EHBP1: variants seen among roughly 807,000 people sequenced by gnomAD.
The protein encoded by EHBP1 is EH domain binding protein 1.
Under a neutral mutation model 144.0 loss-of-function variants are expected in EHBP1, and 55 were observed. The ratio of observed to expected loss-of-function variants is 0.38; its 90% CI spans 0.31 to 0.48. The LOEUF (loss-of-function observed/expected upper bound fraction) is 0.48. Ranked by LOEUF, EHBP1 falls within the 20% of genes least tolerant of loss-of-function variation. EHBP1 has a pLI of 0.98. For missense variants in EHBP1, 1,200 were observed against 1,364.2 expected (o/e 0.88, Z 1.90); for synonymous variants, 469 against 472.7 (o/e 0.99, Z 0.10).
At chr2:62,976,877 T>C (rs1027686377) in intron 14 of EHBP1, among the ~76,000 whole-genome samples, 1 of 152,170 alleles carries the variant, frequency 6.6e-6, no homozygotes, top group African/African-American at 2.4e-5. Flanking sequence ...TCTATTTCTA[T>C]TATGAGCATC....
intron 2 of EHBP1, among the ~76,000 whole-genome samples, chr2:62,741,969 A>G (rs564112200): frequency 6.6e-6 from 1 of 152,332 alleles, no homozygotes; most frequent in South Asian, 2.1e-4. Context: ...CCATGAGATT[A>G]TAATACTGTA....
chr2:62,916,966 C>CAT (rs898736852), intron 10 of EHBP1, among the ~76,000 whole-genome samples: 22 of 151,128 alleles, frequency 1.5e-4, no homozygotes, highest in South Asian at 8.3e-4. Flanking sequence ...AAGACATACA[C>CAT]ATATATATAT....
At chr2:62,841,808 A>C (rs2047901683) in intron 7 of EHBP1, among the ~76,000 whole-genome samples, 1 of 151,174 alleles carries the variant, frequency 6.6e-6, no homozygotes, top group Non-Finnish European at 1.5e-5. Flanking sequence ...GAGTATTTCC[A>C]GAAGAATAAG....
intron 14 of EHBP1, 107 bp downstream of exon 14, chr2:62,955,767 C>T: frequency 8.3e-7 from 1 of 1,208,452 alleles, no homozygotes; most frequent in South Asian, 1.7e-5. Context: ...ACGGACTGTA[C>T]ATTGTGAATA....
chr2:62,841,528 C>G (rs1292511796), intron 7 of EHBP1, among the ~76,000 whole-genome samples: 1 of 152,120 alleles, frequency 6.6e-6, no homozygotes, highest in Non-Finnish European at 1.5e-5. Flanking sequence ...TTTATTGACT[C>G]TCTTCTTGTA....
intron 10 of EHBP1, among the ~76,000 whole-genome samples, chr2:62,916,564 C>T (rs905828537): frequency 2.0e-5 from 3 of 151,108 alleles, no homozygotes; most frequent in African/African-American, 7.3e-5. Context: ...CTGCACACCA[C>T]CTTGGGCAAC....
rs1553363735 is a variant in EHBP1, at chr2:62,681,340, G to GTATATATATATATGTATA, written c.-296+7270_-296+7271insGTATATATATATATATAT. On this transcript the variant is annotated intron_variant, in intron 1 of 22. Coordinates refer to the EHBP1 transcript ENST00000405015. Reference sequence around the variant, plus strand: ...TATATATTTGTATGTATGTGTGTGTGTATATATATATATATATATAATGTG... The same window carrying GTATATATATATATGTATA: ...TATATATTTGTATGTATGTGTGTGTGTATATATATATATGTATATATATATATATATATATATAATGTG... Among the ~76,000 whole-genome samples, 6 of 58,554 alleles carry GTATATATATATATGTATA rather than the reference G, an allele frequency of 1.0e-4. 1 individual carries two copies. The highest frequency in any genetic ancestry group is 5.2e-4 in the African/African-American group (6 of 11,576). The allele number at this position is 58,554 out of a possible 152,430, so 38.4% of individuals were successfully genotyped here.
At chr2:62,678,325 G>A (rs747864837) in intron 1 of EHBP1, among the ~76,000 whole-genome samples, 1 of 152,070 alleles carries the variant, frequency 6.6e-6, no homozygotes, top group Non-Finnish European at 1.5e-5. Flanking sequence ...ATTTTTGATA[G>A]GATTATTAGA....
At chr2:62,970,332 G>A (rs1028382386) in intron 14 of EHBP1, among the ~76,000 whole-genome samples, 9 of 152,076 alleles carry the variant, frequency 5.9e-5, no homozygotes, top group Admixed American at 2.6e-4. Context: ...TACTAAGGCT[G>A]TATGAAACAC....
At position 62,862,803 on chromosome 2, in the gene EHBP1, A is replaced by G. The variant is rs1350223559; in HGVS notation, c.758-1928A>G. On this transcript the variant is annotated intron_variant, in intron 8 of 22. Coordinates refer to ENST00000431489, the MANE Select transcript of EHBP1 (RefSeq NM_001142616.3). ...TAATTAAAATTACTTTTAATGCACTATGACTTTTGGCTCACTGAAATTTTC... is the reference window on the plus strand; with the variant it reads ...TAATTAAAATTACTTTTAATGCACTGTGACTTTTGGCTCACTGAAATTTTC... 2.0e-5 allele frequency among the ~76,000 whole-genome samples: 3 copies of G among 152,144 alleles called. No homozygotes were observed. In the East Asian group the frequency reaches 5.8e-4, roughly 29 times the overall value.
intron 2 of EHBP1, among the ~76,000 whole-genome samples, chr2:62,716,866 G>C (rs1416678979): frequency 6.6e-6 from 1 of 152,174 alleles, no homozygotes; most frequent in African/African-American, 2.4e-5. Context: ...GCCAACTCTG[G>C]CTGCTAAAGT....
rs537074958 is a variant in EHBP1, at chr2:62,767,958, G to A, written c.259-3381G>A. ...ATAATGAAATTAAGGCAGATATCAA[G>A]AAGTTATTTGAAGCTAATGAGAACA... is the stretch of plus-strand genomic sequence containing the variant. On this transcript the variant is annotated intron_variant, in intron 4 of 22. Coordinates refer to ENST00000431489, the MANE Select transcript of EHBP1 (RefSeq NM_001142616.3). Among the ~76,000 whole-genome samples, 10 of 151,812 alleles carry A rather than the reference G, an allele frequency of 6.6e-5. No homozygotes were observed. The East Asian group carries it at 1.9e-3, about 29-fold the overall frequency.
intron 15 of EHBP1, chr2:62,988,016 A>C (rs1302062870): frequency 1.2e-6 from 2 of 1,605,892 alleles, no homozygotes; most frequent in South Asian, 2.2e-5. Context: ...TTACTAACTT[A>C]GAAAATGACC....
At chr2:62,887,096 A>G (rs1232860524) in intron 10 of EHBP1, among the ~76,000 whole-genome samples, 1 of 152,208 alleles carries the variant, frequency 6.6e-6, no homozygotes, top group Non-Finnish European at 1.5e-5. Context: ...ATAGTAATCT[A>G]TAATAGATCT....
At chr2:62,961,100 A>G (rs1030138226) in intron 14 of EHBP1, among the ~76,000 whole-genome samples, 1 of 152,038 alleles carries the variant, frequency 6.6e-6, no homozygotes, top group African/African-American at 2.4e-5. Flanking sequence ...ACTGAAAACA[A>G]CTCTCGATAT....
chr2:62,907,977 G>A (rs914142757), intron 10 of EHBP1, among the ~76,000 whole-genome samples: 11 of 152,128 alleles, frequency 7.2e-5, no homozygotes, highest in African/African-American at 2.4e-4. Context: ...GTTGTCACAC[G>A]AGAAGAAAGG....
intron 20 of EHBP1, among the ~76,000 whole-genome samples, chr2:63,038,418 A>G (rs549280491): frequency 2.0e-5 from 3 of 152,256 alleles, no homozygotes; most frequent in East Asian, 3.9e-4. Context: ...GGAGTTTTGG[A>G]AAAAAGAGAT....
chr2:62,958,466 A>G (rs1407436828), intron 14 of EHBP1, among the ~76,000 whole-genome samples: 3 of 152,258 alleles, frequency 2.0e-5, no homozygotes, highest in Non-Finnish European at 4.4e-5. Context: ...GAGGACATGT[A>G]TAATTACATT....
chr2:62,850,694 T>C (rs2048634582), intron 7 of EHBP1, among the ~76,000 whole-genome samples: 1 of 152,136 alleles, frequency 6.6e-6, no homozygotes. Context: ...TATAAATATA[T>C]TGGGTTGGGT....
Sources: allele counts gnomAD v4.1 joint callset (sites outside exome capture counted in the v4.1 genomes callset), GRCh38; gene constraint gnomAD v4.1.1; transcripts MANE v1.5; gene names NCBI Gene and HGNC (gene_info 2026-07-23, HGNC 2026-07-21).